The following CTNND2 variants were observed in gnomAD, a reference collection of about 807,000 sequenced individuals.
CTNND2 encodes the protein catenin delta 2, also known as catenin delta-2.
In CTNND2, 22 loss-of-function variants were observed where a neutral mutation model predicts 144.4. The observed-to-expected ratio is 0.15, with a 90% CI of 0.11 to 0.22. CTNND2 has a LOEUF of 0.22. CTNND2 is among the 10% of genes least tolerant of loss of function. The probability of loss-of-function intolerance (pLI) is 1.00; values close to 1 mark genes in which losing one functional copy is unlikely to be tolerated. For missense variants in CTNND2, 1,353 were observed against 1,618.8 expected (o/e 0.84, Z 2.82); for synonymous variants, 751 against 695.6 (o/e 1.08, Z -1.25).
chr5:11,657,838 G>A (rs1782995462), intron 2 of CTNND2, among the ~76,000 whole-genome samples: 1 of 151,890 alleles, frequency 6.6e-6, no homozygotes, highest in Non-Finnish European at 1.5e-5. Context: ...AGTTGTACAT[G>A]TACCCCCGAA....
rs370201007 is a variant in CTNND2, at chr5:10,993,551, C to G, written c.3085-874G>C. Among the ~76,000 whole-genome samples the G allele has an allele frequency of 3.3e-5, 5 of 152,258 alleles. No individual in the cohort carries two copies. The East Asian group carries it at 9.6e-4, about 29-fold the overall frequency. ...GAAAAGCAGTCACCTGCTCCACCCCCAAATCCTCCTTTACAGAGGCCATTG... is the reference window on the plus strand; with the variant it reads ...GAAAAGCAGTCACCTGCTCCACCCCGAAATCCTCCTTTACAGAGGCCATTG... On this transcript the variant is annotated intron_variant, in intron 18 of 21. Transcript: ENST00000304623.
intron 9 of CTNND2, among the ~76,000 whole-genome samples, 169 bp downstream of exon 9, chr5:11,346,203 A>C (rs547164830): frequency 6.6e-6 from 1 of 152,324 alleles, no homozygotes; most frequent in South Asian, 2.1e-4. Flanking sequence ...CAAAGATACT[A>C]GGGATCCATT....
At chr5:11,102,203 T>C (rs1397450745) in intron 14 of CTNND2, among the ~76,000 whole-genome samples, 1 of 152,182 alleles carries the variant, frequency 6.6e-6, no homozygotes, top group Non-Finnish European at 1.5e-5. Context: ...AGTTCTAGTA[T>C]CCCTTGAGTC....
At position 11,268,936 on chromosome 5, in the gene CTNND2, T is replaced by C. The variant is rs559793688; in HGVS notation, c.1629-32113A>G. ...GGATTCTCATAGCGGTCTGAAGAGA[T>C]AGGGAATGTTAGTTAACAAAACTGA... On this transcript the variant is annotated intron_variant, in intron 9 of 21. Transcript: ENST00000304623. Among the ~76,000 whole-genome samples, 3 of 152,352 alleles carry C rather than the reference T, an allele frequency of 2.0e-5. No individual in the cohort carries two copies. In the East Asian group the frequency reaches 5.8e-4, roughly 29 times the overall value.
chr5:10,973,717 A>C lies in CTNND2; in HGVS notation c.3418-4T>G. The C allele has an allele frequency of 6.3e-7, 1 of 1,586,324 alleles. No homozygotes were observed. Among genetic ancestry groups the C allele is most frequent in the Non-Finnish European group, 8.6e-7 (1 of 1,166,224 alleles). On this transcript the variant is annotated splice_region_variant and splice_polypyrimidine_tract_variant and intron_variant, in intron 21 of 21. Coordinates refer to ENST00000304623, the MANE Select transcript of CTNND2 (RefSeq NM_001332.4). This position sits in a 1 kb window ranked among gnomAD's most constrained non-coding sequence, Gnocchi z 5.6. ...GTGGGACTGGCTGTGCTGAAACCTAAACGGGAAAGAAGAGCCACACTGGGT... is the reference window on the plus strand; with the variant it reads ...GTGGGACTGGCTGTGCTGAAACCTACACGGGAAAGAAGAGCCACACTGGGT...
chr5:10,995,374 G>A (rs1739228144), intron 18 of CTNND2, among the ~76,000 whole-genome samples: 1 of 152,122 alleles, frequency 6.6e-6, no homozygotes, highest in Non-Finnish European at 1.5e-5. Context: ...CAATGCGTGA[G>A]GAGGAGAAGG....
intron 1 of CTNND2, among the ~76,000 whole-genome samples, chr5:11,813,675 T>C (rs1792469960): frequency 6.6e-6 from 1 of 152,208 alleles, no homozygotes; most frequent in East Asian, 1.9e-4. Flanking sequence ...TCTATTTATG[T>C]ATTTATTTAG....
chr5:11,559,551 G>A (rs1776520061), intron 3 of CTNND2, among the ~76,000 whole-genome samples: 1 of 152,160 alleles, frequency 6.6e-6, no homozygotes, highest in Non-Finnish European at 1.5e-5. Context: ...ACAAGGGTCA[G>A]AGCACCCCAA....
chr5:11,865,350 G>A (rs1354932094), intron 1 of CTNND2, among the ~76,000 whole-genome samples: 1 of 152,080 alleles, frequency 6.6e-6, no homozygotes, highest in Non-Finnish European at 1.5e-5. Flanking sequence ...GTCACTGAAA[G>A]GAAGAAATTT....
intron 2 of CTNND2, among the ~76,000 whole-genome samples, chr5:11,662,148 CATATATATGTGT>C: frequency 9.5e-6 from 1 of 104,820 alleles, no homozygotes; most frequent in African/African-American, 5.5e-5. Context: ...TATATATACA[CATATATATGTGT>C]ATATATGTGT....
At chr5:11,059,960 AAAGG>A (rs1306895901) in intron 16 of CTNND2, among the ~76,000 whole-genome samples, 2 of 152,134 alleles carry the variant, frequency 1.3e-5, no homozygotes, top group Non-Finnish European at 2.9e-5. Flanking sequence ...ATTTGAAGAA[AAAGG>A]AAGAAGTAAA....
chr5:11,264,906 GGGTGACAGAGTA>G (rs1234013806), intron 9 of CTNND2, among the ~76,000 whole-genome samples: 1 of 152,122 alleles, frequency 6.6e-6, no homozygotes, highest in Non-Finnish European at 1.5e-5. Context: ...ACTCCAGCCT[GGGTGACAGAGTA>G]AGACCCCGTC....
chr5:11,452,960 G>A lies in CTNND2; in HGVS notation c.288-40891C>T, dbSNP rs193130543. Among the ~76,000 whole-genome samples, 197 of 152,304 alleles carry A rather than the reference G, an allele frequency of 1.3e-3. 2 individuals are homozygous for A. The Middle Eastern group carries it at 0.014, about 11-fold the overall frequency. ...ATCACACTCATCAGTGTTACTCATT[G>A]ATGGCTACAGCGATGAGTTCCTGTT... On this transcript the variant is annotated intron_variant, in intron 3 of 21. Coordinates refer to ENST00000304623, the MANE Select transcript of CTNND2 (RefSeq NM_001332.4).
chr5:11,096,737 A>G (rs898620655), intron 15 of CTNND2, among the ~76,000 whole-genome samples: 1 of 152,160 alleles, frequency 6.6e-6, no homozygotes, highest in African/African-American at 2.4e-5. Context: ...GAAAATGATA[A>G]TTGATAAAAA....
At chr5:11,109,068 A>G (rs1027496486) in intron 14 of CTNND2, among the ~76,000 whole-genome samples, 2 of 152,226 alleles carry the variant, frequency 1.3e-5, no homozygotes, top group East Asian at 3.8e-4. Context: ...CCTTCTTGGC[A>G]GATGACATGC....
At chr5:10,997,018 A>G (rs1036464389) in intron 18 of CTNND2, among the ~76,000 whole-genome samples, 1 of 152,054 alleles carries the variant, frequency 6.6e-6, no homozygotes, top group Non-Finnish European at 1.5e-5. Flanking sequence ...GGTCCAAGTA[A>G]TGATGGTCGT....
intron 2 of CTNND2, among the ~76,000 whole-genome samples, chr5:11,692,038 T>C (rs976281786): frequency 4.6e-5 from 7 of 152,236 alleles, no homozygotes; most frequent in South Asian, 2.1e-4. Flanking sequence ...AAAAACTGTA[T>C]GATTGAAACT....
chr5:11,365,707 A>T (rs1312070898), intron 7 of CTNND2, among the ~76,000 whole-genome samples: 1 of 152,238 alleles, frequency 6.6e-6, no homozygotes, highest in Admixed American at 6.5e-5. Context: ...GCCTCTGTAC[A>T]TCAGGAAATA....
At chr5:11,597,886 A>G (rs967053589) in intron 2 of CTNND2, among the ~76,000 whole-genome samples, 4 of 152,190 alleles carry the variant, frequency 2.6e-5, no homozygotes, top group African/African-American at 9.6e-5. Context: ...AAAATATAAT[A>G]ATAACAATGA....
Sources: gnomAD v4.1 joint callset for allele counts (sites outside exome capture counted in the v4.1 genomes callset) on GRCh38, gnomAD v4.1.1 for gene constraint, Gnocchi (gnomAD v3.1) non-coding constraint, MANE v1.5 for transcripts, NCBI Gene and HGNC (gene_info 2026-07-23, HGNC 2026-07-21) for gene names.